Variants in COL14A1 observed in about 807,000 individuals in gnomAD.
COL14A1 encodes the protein collagen alpha-1(XIV) chain.
In COL14A1, 136 loss-of-function variants were observed where a neutral mutation model predicts 230.3. That is an observed-to-expected ratio of 0.59 (90% CI 0.51 to 0.68). COL14A1 has a LOEUF of 0.68. Ranked by LOEUF, COL14A1 falls within the 30% of genes least tolerant of loss-of-function variation. The pLI, the probability that COL14A1 is intolerant of heterozygous loss-of-function variation, is 0.00. For missense variants in COL14A1, 1,976 were observed against 2,215.8 expected (o/e 0.89, Z 2.17); for synonymous variants, 792 against 784.1 (o/e 1.01, Z -0.17).
chr8:120,296,088 A>G (rs180879258), intron 34 of COL14A1, among the ~76,000 whole-genome samples: 2 of 151,902 alleles, frequency 1.3e-5, no homozygotes, highest in East Asian at 1.9e-4. Flanking sequence ...TTAATTTTTT[A>G]TTGGACATAA....
chr8:120,192,246 G>A (rs958057913), intron 5 of COL14A1, among the ~76,000 whole-genome samples: 7 of 152,138 alleles, frequency 4.6e-5, no homozygotes, highest in Admixed American at 4.6e-4. Context: ...GCATGGTGGT[G>A]ACAAAATCTC....
chr8:120,143,448 G>A (rs1814982997), intron 1 of COL14A1, among the ~76,000 whole-genome samples: 1 of 152,012 alleles, frequency 6.6e-6, no homozygotes, highest in Admixed American at 6.6e-5. Flanking sequence ...GAAACCCTGT[G>A]TCTGCTAAAA....
At chr8:120,216,202 G>A in intron 13 of COL14A1, 149 bp from the exon 14 acceptor site, 1 of 597,454 alleles carries the variant, frequency 1.7e-6, no homozygotes, top group Non-Finnish European at 2.7e-6. Flanking sequence ...TGATTTTTAT[G>A]AGACAATACA....
intron 8 of COL14A1, among the ~76,000 whole-genome samples, chr8:120,200,580 T>C (rs1817203897): frequency 6.6e-6 from 1 of 151,240 alleles, no homozygotes; most frequent in Non-Finnish European, 1.5e-5. Flanking sequence ...ATACGTGTTT[T>C]AAAACCATAC....
chr8:120,125,494 A>G (rs1237712067), intron 1 of COL14A1, among the ~76,000 whole-genome samples, 154 bp downstream of exon 1: 1 of 152,074 alleles, frequency 6.6e-6, no homozygotes, highest in Non-Finnish European at 1.5e-5. Flanking sequence ...GACCTTTGGG[A>G]CGGGATGGGA....
At chr8:120,141,776 G>A (rs1189965182) in intron 1 of COL14A1, among the ~76,000 whole-genome samples, 1 of 152,030 alleles carries the variant, frequency 6.6e-6, no homozygotes, top group Non-Finnish European at 1.5e-5. Flanking sequence ...AATAGAGAAA[G>A]GCTATTTGAT....
In COL14A1 at chr8:120,170,089, C is replaced by G. The variant is rs185922071; in HGVS notation, c.436+1842C>G. ...ATCTTTGCTTATGTCTCCTTCTGTA[C>G]AAGTCGTAGAATTTTTCTAGAGCAT... is the stretch of plus-strand genomic sequence containing the variant. On this transcript the variant is annotated intron_variant, in intron 5 of 47. Coordinates refer to ENST00000297848, the MANE Select transcript of COL14A1 (RefSeq NM_021110.4). Among the ~76,000 whole-genome samples the G allele has an allele frequency of 2.5e-3, 376 of 152,098 alleles. 2 individuals carry two copies. Among genetic ancestry groups the G allele is most frequent in the Admixed American group, 6.1e-3 (93 of 15,278 alleles).
chr8:120,250,790 C>G, intron 22 of COL14A1, 24 bp downstream of exon 22: 1 of 1,613,014 alleles, frequency 6.2e-7, no homozygotes, highest in Non-Finnish European at 8.5e-7. Context: ...CCGATGGCCT[C>G]AGCCGCATAT....
chr8:120,298,597 T>TTTTATATATATATA (rs576663862), intron 35 of COL14A1, among the ~76,000 whole-genome samples: 4 of 57,986 alleles, frequency 6.9e-5, no homozygotes, highest in South Asian at 8.1e-4. Context: ...CCCATATATT[T>TTTTATATATATATA]TATATATATA....
chr8:120,198,076 G>A, intron 7 of COL14A1, 146 bp downstream of exon 7: 1 of 782,156 alleles, frequency 1.3e-6, no homozygotes, highest in Non-Finnish European at 2.0e-6. Flanking sequence ...CCCAAACTCA[G>A]CATTGAGTTA....
intron 40 of COL14A1, among the ~76,000 whole-genome samples, chr8:120,324,639 AT>A (rs1337738441): frequency 1.3e-5 from 2 of 152,170 alleles, no homozygotes; most frequent in Non-Finnish European, 2.9e-5. Flanking sequence ...CTTTCAACAA[AT>A]TCATCTGTTG....
At position 120,300,716 on chromosome 8, in the gene COL14A1, T is replaced by C. The variant is rs1455860023; in HGVS notation, c.4315-16T>C. On this transcript the variant is annotated splice_polypyrimidine_tract_variant and intron_variant, in intron 35 of 47. Coordinates refer to ENST00000297848, the MANE Select transcript of COL14A1 (RefSeq NM_021110.4). ...ACTGGCATGCTAATGGTTGTGCTTT[T>C]TTTGTTTCTTTTCAGAGAGATGATG... 2 of 1,605,198 alleles carry C rather than the reference T, an allele frequency of 1.2e-6. No individual in the cohort carries two copies. The highest frequency in any genetic ancestry group is 2.7e-5 in the African/African-American group (2 of 74,718).
At chr8:120,139,412 G>T (rs1018656095) in intron 1 of COL14A1, among the ~76,000 whole-genome samples, 3 of 152,138 alleles carry the variant, frequency 2.0e-5, no homozygotes, top group Admixed American at 6.5e-5. Flanking sequence ...TCTGGAGAAT[G>T]ATAAAAATGG....
At chr8:120,336,085 A>T (rs894068062) in intron 42 of COL14A1, among the ~76,000 whole-genome samples, 1 of 152,192 alleles carries the variant, frequency 6.6e-6, no homozygotes, top group Non-Finnish European at 1.5e-5. Flanking sequence ...GTAAGATTAC[A>T]TGGTGGGGAG....
intron 20 of COL14A1, among the ~76,000 whole-genome samples, chr8:120,244,936 A>G (rs1586799356): frequency 6.6e-6 from 1 of 151,978 alleles, no homozygotes; most frequent in Non-Finnish European, 1.5e-5. Flanking sequence ...ACAAAGATCA[A>G]CCTACCACCT....
intron 1 of COL14A1, among the ~76,000 whole-genome samples, chr8:120,125,611 A>G (rs2130354385): frequency 1.3e-5 from 2 of 152,156 alleles, no homozygotes; most frequent in Middle Eastern, 3.4e-3. Flanking sequence ...TGCTCCGGGA[A>G]GCTTTTCCCA....
chr8:120,250,694 G>T lies in COL14A1; in HGVS notation c.2680G>T (p.Asp894Tyr), dbSNP rs1348947476. Reference protein sequence around the residue: ...ILITNLLSGMDYNVKIFASQA... With the variant: ...ILITNLLSGMYYNVKIFASQA... ...TATCACAAACCTCCTCAGCGGAATGGACTACAATGTGAAGATATTTGCCTC... is the reference window on the plus strand; with the variant it reads ...TATCACAAACCTCCTCAGCGGAATGTACTACAATGTGAAGATATTTGCCTC... Residue 894 changes from aspartate to tyrosine, a missense_variant, in exon 22 of 48, where the codon GAC becomes TAC. Asp to Tyr is a radical substitution (Grantham distance 160). Coordinates refer to ENST00000297848, the MANE Select transcript of COL14A1 (RefSeq NM_021110.4). 6.2e-7 allele frequency: 1 copy of T among 1,614,094 alleles called. No individual in the cohort carries two copies. Among genetic ancestry groups the T allele is most frequent in the Non-Finnish European group, 8.5e-7 (1 of 1,180,052 alleles).
chr8:120,213,515 G>A (rs1163164415), intron 13 of COL14A1, among the ~76,000 whole-genome samples: 3 of 152,004 alleles, frequency 2.0e-5, no homozygotes, highest in African/African-American at 4.8e-5. Context: ...CTTGCTCTTC[G>A]GAGAAAGACC....
intron 2 of COL14A1, among the ~76,000 whole-genome samples, chr8:120,155,207 A>T (rs550577435): frequency 7.2e-5 from 11 of 152,324 alleles, no homozygotes; most frequent in Non-Finnish European, 1.5e-4. Flanking sequence ...TATAATGGGA[A>T]TGTAGACAGT....
Sources: gnomAD v4.1 joint callset for allele counts (sites outside exome capture counted in the v4.1 genomes callset) on GRCh38, gnomAD v4.1.1 for gene constraint, MANE v1.5 for transcripts, NCBI Gene and HGNC (gene_info 2026-07-23, HGNC 2026-07-21) for gene names.